SORBS2: variants seen among roughly 807,000 people sequenced by gnomAD.
SORBS2 encodes sorbin and SH3 domain containing 2, also known as sorbin and SH3 domain-containing protein 2.
SORBS2 carries 46 observed loss-of-function variants against 97.7 expected under a neutral mutation model. That is an observed-to-expected ratio of 0.47 (90% CI 0.37 to 0.60). The LOEUF is 0.60. Among genes scored for constraint, SORBS2 ranks in the 20% least tolerant of loss-of-function variants. The pLI is 0.00. For missense variants in SORBS2, 1,316 were observed against 1,282.3 expected (o/e 1.03, Z -0.40); for synonymous variants, 476 against 473.4 (o/e 1.01, Z -0.07).
chr4:185,647,783 T>C (rs745724981), intron 3 of SORBS2, among the ~76,000 whole-genome samples: 3 of 152,210 alleles, frequency 2.0e-5, no homozygotes, highest in Non-Finnish European at 4.4e-5. Context: ...CAATAATGTG[T>C]TGTTCTTCCT....
At chr4:185,890,071 G>C (rs984369679) in intron 1 of SORBS2, among the ~76,000 whole-genome samples, 5 of 152,106 alleles carry the variant, frequency 3.3e-5, no homozygotes, top group Non-Finnish European at 5.9e-5. Flanking sequence ...ATTTTTAGTA[G>C]AGATAGGGTT....
intron 2 of SORBS2, among the ~76,000 whole-genome samples, chr4:185,738,777 C>A (rs556988938): frequency 6.6e-6 from 1 of 152,314 alleles, no homozygotes; most frequent in African/African-American, 2.4e-5. Context: ...GCCTTGAATT[C>A]TTTTTGTGAC....
chr4:185,732,053 T>C (rs2098645008), intron 2 of SORBS2, among the ~76,000 whole-genome samples: 1 of 151,904 alleles, frequency 6.6e-6, no homozygotes, highest in Non-Finnish European at 1.5e-5. Flanking sequence ...ACCTCCTTTT[T>C]TGCAAAATAT....
intron 1 of SORBS2, among the ~76,000 whole-genome samples, chr4:185,842,545 G>A (rs1264767352): frequency 6.6e-6 from 1 of 152,150 alleles, no homozygotes; most frequent in Admixed American, 6.5e-5. Flanking sequence ...CTGGGGCTAA[G>A]GGGCAACTTG....
chr4:185,624,405 A>C (rs1040653110), exon 7 of SORBS2: 1 of 1,614,110 alleles, frequency 6.2e-7, no homozygotes, highest in Non-Finnish European at 8.5e-7. Flanking sequence ...TGCTGTCTGT[A>C]AGTGCTACAG....
intron 4 of SORBS2, among the ~76,000 whole-genome samples, chr4:185,672,296 C>T (rs1159805129): frequency 2.0e-5 from 3 of 152,228 alleles, no homozygotes; most frequent in Non-Finnish European, 2.9e-5. Context: ...TGTGCAGTGG[C>T]AGCTGTGAAG....
At chr4:185,638,029 C>G in intron 4 of SORBS2, 50 bp downstream of exon 15, 1 of 1,119,010 alleles carries the variant, frequency 8.9e-7, no homozygotes, top group Non-Finnish European at 1.4e-6. Flanking sequence ...TTTTAGAAAT[C>G]AAACAGTATA....
At chr4:185,825,207 T>C (rs1426258707) in intron 1 of SORBS2, among the ~76,000 whole-genome samples, 1 of 81,794 alleles carries the variant, frequency 1.2e-5, no homozygotes, top group Admixed American at 1.4e-4. Context: ...TTTGTTCTGT[T>C]TTTTGTTTTT....
At chr4:185,783,141 C>T (rs943821526) in intron 1 of SORBS2, among the ~76,000 whole-genome samples, 4 of 152,102 alleles carry the variant, frequency 2.6e-5, no homozygotes, top group African/African-American at 4.8e-5. Flanking sequence ...AAACTCATGA[C>T]GGTGAAGGAC....
At chr4:185,955,548 CT>C (rs1348899950) in intron 1 of SORBS2, among the ~76,000 whole-genome samples, 5 of 152,172 alleles carry the variant, frequency 3.3e-5, no homozygotes, top group African/African-American at 1.2e-4. Flanking sequence ...TCTCATGGGT[CT>C]TTTGTTACTC....
chr4:185,843,820 T>A (rs1197940050), intron 1 of SORBS2, among the ~76,000 whole-genome samples: 1 of 152,218 alleles, frequency 6.6e-6, no homozygotes, highest in African/African-American at 2.4e-5. Flanking sequence ...CAATTAAAAT[T>A]CAATTTCCAT....
At chr4:185,689,245 C>T (rs2098041769) in intron 2 of SORBS2, among the ~76,000 whole-genome samples, 2 of 152,108 alleles carry the variant, frequency 1.3e-5, no homozygotes, top group South Asian at 4.1e-4. Flanking sequence ...AGTTATGATC[C>T]ACTTAAGTCT....
intron 4 of SORBS2, among the ~76,000 whole-genome samples, chr4:185,631,539 G>A (rs1479808169): frequency 6.6e-5 from 10 of 152,128 alleles, no homozygotes. Context: ...AACGCGGGTG[G>A]ATCACCTGTG....
At chr4:185,831,149 T>C (rs1262083611) in intron 1 of SORBS2, among the ~76,000 whole-genome samples, 6 of 152,344 alleles carry the variant, frequency 3.9e-5, no homozygotes, top group East Asian at 3.9e-4. Context: ...GGACCCAACA[T>C]GGTCATCTAG....
chr4:185,643,961 T>A (rs573357715), intron 4 of SORBS2, among the ~76,000 whole-genome samples: 1 of 152,166 alleles, frequency 6.6e-6, no homozygotes, highest in African/African-American at 2.4e-5. Flanking sequence ...GTAAACTATA[T>A]CAGTACGCGG....
At chr4:185,926,743 T>C (rs2099263912) in intron 1 of SORBS2, among the ~76,000 whole-genome samples, 1 of 152,104 alleles carries the variant, frequency 6.6e-6, no homozygotes, top group Non-Finnish European at 1.5e-5. Flanking sequence ...CGAGGTTAAT[T>C]GACATATTTA....
intron 2 of SORBS2, among the ~76,000 whole-genome samples, chr4:185,761,320 T>A (rs888790701): frequency 1.3e-5 from 2 of 152,246 alleles, no homozygotes; most frequent in Admixed American, 1.3e-4. Context: ...TCAACTTCCA[T>A]AGATCATATC....
chr4:185,806,434 C>CTGTTTTTTTTTTTTTTTTTT lies in SORBS2; in HGVS notation c.-337-31069_-337-31068insAAAAAAAAAAAAAAAAAACA, dbSNP rs2099153884. On this transcript the variant is annotated intron_variant, in intron 1 of 20. Coordinates refer to the SORBS2 transcript ENST00000284776. ...AGTGGCACAGCTCTTGGCTAGAATC[C>CTGTTTTTTTTTTTTTTTTTT]TATTTTTTTTTTTTTTTTTTTTTTT... Among the ~76,000 whole-genome samples the CTGTTTTTTTTTTTTTTTTTT allele has an allele frequency of 3.7e-5, 4 of 108,110 alleles. 2 individuals are homozygous for CTGTTTTTTTTTTTTTTTTTT. The highest frequency in any genetic ancestry group is 7.3e-5 in the African/African-American group (2 of 27,232). 70.9% of individuals were successfully genotyped at this position (108,110 alleles called of 152,430 possible). A position where few individuals can be genotyped will look rare whatever the true frequency, so the allele number is the denominator to read the frequency against.
chr4:185,712,317 A>G (rs989725047), intron 2 of SORBS2, among the ~76,000 whole-genome samples: 1 of 152,202 alleles, frequency 6.6e-6, no homozygotes, highest in Non-Finnish European at 1.5e-5. Flanking sequence ...ATCCAGCCAG[A>G]GACAGCTGGA....
Sources: gnomAD v4.1 joint callset for allele counts (sites outside exome capture counted in the v4.1 genomes callset) on GRCh38, gnomAD v4.1.1 for gene constraint, MANE v1.5 for transcripts, NCBI Gene and HGNC (gene_info 2026-07-23, HGNC 2026-07-21) for gene names.